HEPH: variants seen among roughly 807,000 people sequenced by gnomAD.
HEPH encodes hephaestin.
A neutral mutation model predicts 80.8 loss-of-function variants in HEPH; 69 were observed. The ratio of observed to expected loss-of-function variants is 0.85; its 90% confidence interval spans 0.70 to 1.04. HEPH has a LOEUF of 1.04. Among genes scored for constraint, HEPH ranks in the 50% least tolerant of loss-of-function variants. HEPH has a pLI of 0.00. For missense variants in HEPH, 1,115 were observed against 891.3 expected, an observed-to-expected ratio of 1.25 and a Z score of -3.20; for synonymous variants, 431 against 322.8, an observed-to-expected ratio of 1.34 and a Z score of -3.60.
Position 66,195,124 on chromosome X carries a change from G to A in HEPH, c.1396G>A (p.Asp466Asn), listed in dbSNP as rs1044077075. The A allele has an allele frequency of 8.3e-7, 1 of 1,201,292 alleles. No homozygotes were observed. Among genetic ancestry groups the A allele is most frequent in the Non-Finnish European group, 1.1e-6 (1 of 890,536 alleles). ...GCCAGTGATCCGGGCTGAGGTGGGTGACACCATTCAGGTGGTCTTCTACAA... is the reference window on the plus strand; with the variant it reads ...GCCAGTGATCCGGGCTGAGGTGGGTAACACCATTCAGGTGGTCTTCTACAA... ...LGPVIRAEVG[D>N]TIQVVFYNRA... is the part of the protein sequence containing the mutation. The change falls in exon 9 of 21, where the codon GAC becomes AAC. Residue 466 changes from aspartate to asparagine, a missense_variant. Coordinates refer to ENST00000343002, the MANE Select transcript of HEPH (RefSeq NM_001367233.3).
intron 7 of HEPH, among the ~76,000 whole-genome samples, chrX:66,192,783 C>A (rs1473063942): frequency 9.0e-6 from 1 of 111,548 alleles, no homozygotes; most frequent in Admixed American, 9.5e-5. Flanking sequence ...CATGCCCATT[C>A]TTTTGAAGGA....
Position 66,164,458 on chromosome X carries a change from T to C in HEPH, c.-26T>C. The C allele has an allele frequency of 2.7e-6, 2 of 753,925 alleles. No homozygotes were observed. The highest frequency in any genetic ancestry group is 3.1e-6 in the Non-Finnish European group (2 of 639,037). 62.1% of individuals were successfully genotyped at this position (753,925 alleles called of 1,213,427 possible). A position where few individuals can be genotyped will look rare whatever the true frequency, so the allele number is the denominator to read the frequency against. On this transcript the variant is annotated 5_prime_UTR_variant, in exon 1 of 21. Coordinates refer to ENST00000343002, the MANE Select transcript of HEPH (RefSeq NM_001367233.3). Reference sequence around the variant, plus strand: ...CCGCTGACATGAATATGGAGTAGTTTTCTCTAGCAAAGGTAAGCTTTCTTT... The same window carrying C: ...CCGCTGACATGAATATGGAGTAGTTCTCTCTAGCAAAGGTAAGCTTTCTTT...
intron 4 of HEPH, 117 bp downstream of exon 4, chrX:66,173,918 T>C: frequency 4.6e-6 from 2 of 432,019 alleles, no homozygotes; most frequent in East Asian, 3.9e-5. Flanking sequence ...TTCAGCACTC[T>C]TGTTTATTAG....
chrX:66,249,568 T>C (rs1489354579), intron 15 of HEPH, among the ~76,000 whole-genome samples: 2 of 111,039 alleles, frequency 1.8e-5, no homozygotes, highest in African/African-American at 3.3e-5. Context: ...GACTGGAAAA[T>C]AGAAATTTGA....
intron 15 of HEPH, among the ~76,000 whole-genome samples, chrX:66,233,211 T>C (rs1420629289): frequency 1.8e-5 from 2 of 111,953 alleles, no homozygotes; most frequent in Non-Finnish European, 3.8e-5. Context: ...TATATATGTG[T>C]ATGATGAACT....
In HEPH at chrX:66,266,614, G is replaced by A. The variant is rs757725630; in HGVS notation, c.3419G>A (p.Arg1140Gln). ...VWYQHRQRKL[R>Q]RNRRSILDDS... ...TACCAACATCGACAGAGAAAGCTAC[G>A]ACGCAATAGGAGGTCCATCCTGGAT... The change falls in exon 21 of 21, where the codon CGA (arginine) becomes CAA (glutamine). Residue 1140 changes from arginine to glutamine, a missense_variant. Around this residue, in one of 3 missense-constraint regions of HEPH, gnomAD observed 716 missense variants for 523.5 expected, o/e 1.37. Transcript: ENST00000343002. 7 of 1,207,163 alleles carry A rather than the reference G, an allele frequency of 5.8e-6. No individual in the cohort carries two copies. The Admixed American group carries it at 6.6e-5, about 11-fold the overall frequency.
In HEPH at chrX:66,259,423, TG is replaced by T. The variant is rs2091283448; in HGVS notation, c.3036+449del. Among the ~76,000 whole-genome samples the T allele has an allele frequency of 2.7e-5, 3 of 111,637 alleles. No individual in the cohort carries two copies. In the South Asian group the frequency reaches 1.1e-3, roughly 42 times the overall value. On this transcript the variant is annotated intron_variant, in intron 18 of 20. Transcript: ENST00000343002. ...TAGTCTTAGGTAAAGGAGGAAGAGTTGGGGGCATTGATACAGACTTCGAGAT... is the reference window on the plus strand; with the variant it reads ...TAGTCTTAGGTAAAGGAGGAAGAGTTGGGGCATTGATACAGACTTCGAGAT...
At chrX:66,261,807 G>T (rs1448399467) in intron 19 of HEPH, among the ~76,000 whole-genome samples, 1 of 112,032 alleles carries the variant, frequency 8.9e-6, no homozygotes, top group Non-Finnish European at 1.9e-5. Flanking sequence ...CTAGAATGCA[G>T]CTTCCACTTA....
At position 66,263,653 on chromosome X, in the gene HEPH, G is replaced by A; in HGVS notation, c.3209G>A (p.Ser1070Asn). 1.7e-6 allele frequency: 2 copies of A among 1,210,319 alleles called. No homozygotes were observed. The highest frequency in any genetic ancestry group is 2.3e-4 in the Middle Eastern group (1 of 4,353). Residue 1070 changes from serine to asparagine, a missense_variant, in exon 20 of 21, where the codon AGC becomes AAC. Coordinates refer to ENST00000343002, the MANE Select transcript of HEPH (RefSeq NM_001367233.3). Reference sequence around the variant, plus strand: ...TTTTCCCCCCAACCAGAACACTTAAGCCCTCTCACCGTCATCACCAAAGAG... The same window carrying A: ...TTTTCCCCCCAACCAGAACACTTAAACCCTCTCACCGTCATCACCAAAGAG... ...FTVFSRTEHL[S>N]PLTVITKETE... is the part of the protein sequence containing the mutation.
intron 4 of HEPH, among the ~76,000 whole-genome samples, chrX:66,184,183 T>C (rs1219964858): frequency 1.8e-5 from 1 of 55,858 alleles, no homozygotes; most frequent in South Asian, 7.2e-4. Flanking sequence ...ATTCTGTTGA[T>C]TTGGGGTGGA....
Position 66,191,017 on chromosome X carries a change from A to G in HEPH, c.1063+1079A>G, listed in dbSNP as rs113052505. On this transcript the variant is annotated intron_variant, in intron 6 of 20. Transcript: ENST00000343002. The stretch of plus-strand genomic sequence containing the variant: ...TCTGAGCCTCTTAATAGAAGTAGTG[A>G]TGTATACCTCATAAAATTGTAATGA... Among the ~76,000 whole-genome samples, 931 of 112,081 alleles carry G rather than the reference A, an allele frequency of 8.3e-3. 14 individuals are homozygous for G. Among genetic ancestry groups the G allele is most frequent in the African/African-American group, 0.029 (899 of 30,860 alleles).
intron 15 of HEPH, among the ~76,000 whole-genome samples, chrX:66,245,882 T>A (rs2090785860): frequency 8.9e-6 from 1 of 112,616 alleles, no homozygotes; most frequent in African/African-American, 3.2e-5. Context: ...GATTCTAGTC[T>A]ACTCCTTGGT....
intron 16 of HEPH, 58 bp downstream of exon 16, chrX:66,255,199 T>C: frequency 1.3e-6 from 1 of 777,671 alleles, no homozygotes; most frequent in Non-Finnish European, 1.9e-6. Context: ...AAAGAAGCTA[T>C]TAACCAGGTG....
chrX:66,237,009 T>A (rs1371397940), intron 15 of HEPH, among the ~76,000 whole-genome samples: 2 of 111,657 alleles, frequency 1.8e-5, no homozygotes. Flanking sequence ...ATATTCTTTC[T>A]TTCTTCTTTA....
At chrX:66,255,427 CAAAA>C (rs373577339) in intron 16 of HEPH, among the ~76,000 whole-genome samples, 8,380 of 110,499 alleles carry the variant, frequency 0.076, 782 homozygotes, top group African/African-American at 0.26. Context: ...ACAAAAAACA[CAAAA>C]GAAACCTGGG....
chrX:66,235,077 C>T (rs2090305548), intron 15 of HEPH, among the ~76,000 whole-genome samples: 1 of 111,091 alleles, frequency 9.0e-6, no homozygotes, highest in Admixed American at 9.6e-5. Flanking sequence ...GTTTAAGTTC[C>T]TTATAGATAT....
intron 15 of HEPH, among the ~76,000 whole-genome samples, chrX:66,228,727 C>G (rs1405497030): frequency 9.0e-6 from 1 of 111,644 alleles, no homozygotes; most frequent in Non-Finnish European, 1.9e-5. Flanking sequence ...CATGAATAGA[C>G]AATTCTCAAA....
At chrX:66,262,855 G>A (rs2091412646) in intron 19 of HEPH, among the ~76,000 whole-genome samples, 1 of 111,801 alleles carries the variant, frequency 8.9e-6, no homozygotes, top group Non-Finnish European at 1.9e-5. Flanking sequence ...GCACTGAAAG[G>A]ATGGGAGGTT....
chrX:66,200,807 G>A lies in HEPH; in HGVS notation c.2077+55G>A. 4.0e-6 allele frequency: 4 copies of A among 999,736 alleles called. No homozygotes were observed. In the South Asian group the frequency reaches 6.3e-5, roughly 16 times the overall value. The allele number at this position is 999,736 out of a possible 1,213,427, so 82.4% of individuals were successfully genotyped here. A position where few individuals can be genotyped will look rare whatever the true frequency, so the allele number is the denominator to read the frequency against. On this transcript the variant is annotated intron_variant, in intron 12 of 20. Transcript: ENST00000343002. ...CTTTGTTGGGTATAGGGCCAGGAAT[G>A]GGGTCGGGAAGAGGGAGGGATGGTG...
Sources: gnomAD v4.1 joint callset for allele counts (sites outside exome capture counted in the v4.1 genomes callset) on GRCh38, gnomAD v4.1.1 for gene constraint, gnomAD v4.1.1 regional missense constraint, MANE v1.5 for transcripts, NCBI Gene and HGNC (gene_info 2026-07-23, HGNC 2026-07-21) for gene names.